The following DEPDC1B variants were observed in gnomAD, a reference collection of about 807,000 sequenced individuals.
DEPDC1B encodes the protein DEP domain containing 1B, also known as DEP domain-containing protein 1B.
DEPDC1B carries 51 observed loss-of-function variants against 66.5 expected under a neutral mutation model. The ratio of observed to expected loss-of-function variants is 0.77; its 90% CI spans 0.61 to 0.97. DEPDC1B has a LOEUF of 0.97. Ranked by LOEUF, DEPDC1B falls within the 50% of genes least tolerant of loss-of-function variation. The pLI, the probability that DEPDC1B is intolerant of heterozygous loss-of-function variation, is 0.00. For missense variants in DEPDC1B, 552 were observed against 637.1 expected, an observed-to-expected ratio of 0.87 and a Z score of 1.44; for synonymous variants, 226 against 223.6, an observed-to-expected ratio of 1.01 and a Z score of -0.10.
At chr5:60,625,452 T>C (rs1265114005) in intron 7 of DEPDC1B, among the ~76,000 whole-genome samples, 2 of 151,990 alleles carry the variant, frequency 1.3e-5, no homozygotes, top group African/African-American at 2.4e-5. Context: ...GGTGTGAGAT[T>C]TTATTGGTTA....
rs190277916 is a variant in DEPDC1B at position 60,623,734 on chromosome 5, C to A, written c.898+15016G>T. ...TTTTCATTGTCAGGTCTTGCACACA[C>A]CTTGTTTATCCCTACTTATAATTCA... On this transcript the variant is annotated intron_variant, in intron 7 of 10. Coordinates refer to ENST00000265036, the MANE Select transcript of DEPDC1B (RefSeq NM_018369.3). Among the ~76,000 whole-genome samples, 3 of 152,244 alleles carry A rather than the reference C, an allele frequency of 2.0e-5. No homozygotes were observed. The East Asian group carries it at 5.8e-4, about 29-fold the overall frequency.
At chr5:60,649,690 T>G (rs1418505184) in intron 2 of DEPDC1B, among the ~76,000 whole-genome samples, 1 of 152,018 alleles carries the variant, frequency 6.6e-6, no homozygotes, top group Admixed American at 6.6e-5. Flanking sequence ...GAACAAACCA[T>G]CTTACACAAA....
chr5:60,645,451 CAA>C, intron 4 of DEPDC1B, 39 bp downstream of exon 4: 1 of 1,521,012 alleles, frequency 6.6e-7, no homozygotes, highest in African/African-American at 1.4e-5. Context: ...AAATAGGAAA[CAA>C]TATCTCTAAA....
At position 60,597,674 on chromosome 5, in the gene DEPDC1B, C is replaced by T; in HGVS notation, c.*79G>A. The T allele has an allele frequency of 6.9e-7, 1 of 1,442,068 alleles. No individual in the cohort carries two copies. Among genetic ancestry groups the T allele is most frequent in the Non-Finnish European group, 9.4e-7 (1 of 1,067,846 alleles). The allele number at this position is 1,442,068 out of a possible 1,614,324, so 89.3% of individuals were successfully genotyped here. A position where few individuals can be genotyped will look rare whatever the true frequency, so the allele number is the denominator to read the frequency against. On this transcript the variant is annotated 3_prime_UTR_variant, in exon 11 of 11. Coordinates refer to ENST00000265036, the MANE Select transcript of DEPDC1B (RefSeq NM_018369.3). Reference sequence around the variant, plus strand: ...TGTTTTATGCTTTTCTTTCTTCCACCACCAAAGTCTTTCTCCTAACCACCA... The same window carrying T: ...TGTTTTATGCTTTTCTTTCTTCCACTACCAAAGTCTTTCTCCTAACCACCA...
intron 7 of DEPDC1B, among the ~76,000 whole-genome samples, chr5:60,606,479 T>G (rs1251326417): frequency 6.6e-6 from 1 of 151,802 alleles, no homozygotes; most frequent in African/African-American, 2.4e-5. Context: ...TTGCTAAAAG[T>G]TAGGATATTC....
chr5:60,662,462 G>A (rs933732249), intron 2 of DEPDC1B, among the ~76,000 whole-genome samples: 4 of 151,976 alleles, frequency 2.6e-5, no homozygotes, highest in Non-Finnish European at 5.9e-5. Context: ...TGGCAACCTC[G>A]GTTTTTTATA....
chr5:60,614,668 CA>C (rs1752499996), intron 7 of DEPDC1B, among the ~76,000 whole-genome samples: 1 of 152,000 alleles, frequency 6.6e-6, no homozygotes, highest in Non-Finnish European at 1.5e-5. Flanking sequence ...ATTTATTTAT[CA>C]AAATATGAAA....
intron 7 of DEPDC1B, among the ~76,000 whole-genome samples, chr5:60,625,077 G>A (rs563514538): frequency 2.0e-5 from 3 of 152,056 alleles, no homozygotes; most frequent in South Asian, 2.1e-4. Context: ...ACATGAACTC[G>A]TCATTTTTTA....
intron 6 of DEPDC1B, among the ~76,000 whole-genome samples, chr5:60,640,383 A>G (rs1221639858): frequency 1.3e-5 from 2 of 152,116 alleles, no homozygotes; most frequent in African/African-American, 4.8e-5. Flanking sequence ...ATATGCAAAA[A>G]AATTTTAAAG....
chr5:60,627,013 C>T (rs79165367), intron 7 of DEPDC1B, among the ~76,000 whole-genome samples: 1 of 152,158 alleles, frequency 6.6e-6, no homozygotes, highest in East Asian at 1.9e-4. Context: ...CATACAGTTC[C>T]AAGGATGTTA....
chr5:60,688,486 A>G (rs1032394442), intron 1 of DEPDC1B, among the ~76,000 whole-genome samples: 1 of 152,220 alleles, frequency 6.6e-6, no homozygotes, highest in Non-Finnish European at 1.5e-5. Context: ...CAGTACCCAC[A>G]TGACAGGGTT....
intron 6 of DEPDC1B, 50 bp downstream of exon 6, chr5:60,642,762 G>T: frequency 7.4e-6 from 11 of 1,483,192 alleles, no homozygotes; most frequent in Non-Finnish European, 1.0e-5. Context: ...CCTAATTTAG[G>T]GCACTAATTT....
intron 2 of DEPDC1B, among the ~76,000 whole-genome samples, chr5:60,664,246 G>A (rs953363254): frequency 1.3e-5 from 2 of 152,210 alleles, no homozygotes; most frequent in South Asian, 2.1e-4. Context: ...GCAACCCGTG[G>A]CATACCTGAG....
intron 2 of DEPDC1B, among the ~76,000 whole-genome samples, chr5:60,656,573 T>C (rs1038531133): frequency 2.0e-5 from 3 of 152,192 alleles, no homozygotes; most frequent in African/African-American, 7.2e-5. Flanking sequence ...AGAGACCAGG[T>C]AATTTATAAA....
At chr5:60,651,131 G>A (rs2111902631) in intron 2 of DEPDC1B, among the ~76,000 whole-genome samples, 1 of 152,312 alleles carries the variant, frequency 6.6e-6, no homozygotes, top group African/African-American at 2.4e-5. Context: ...TTCCAGATCT[G>A]CAAATAAACA....
intron 5 of DEPDC1B, among the ~76,000 whole-genome samples, 185 bp from the exon 6 acceptor site, chr5:60,643,044 C>T (rs772119318): frequency 2.6e-5 from 4 of 152,118 alleles, no homozygotes; most frequent in Non-Finnish European, 5.9e-5. Context: ...AGTGTTATAA[C>T]ATGCACTTAC....
intron 1 of DEPDC1B, among the ~76,000 whole-genome samples, chr5:60,695,594 C>G (rs1754635996): frequency 6.6e-6 from 1 of 152,114 alleles, no homozygotes; most frequent in Non-Finnish European, 1.5e-5. Flanking sequence ...TATCAAGAGT[C>G]AATTATGCCA....
chr5:60,612,368 A>G (rs1752430110), intron 7 of DEPDC1B, among the ~76,000 whole-genome samples: 1 of 151,510 alleles, frequency 6.6e-6, no homozygotes, highest in Non-Finnish European at 1.5e-5. Flanking sequence ...GGTTGCAATG[A>G]GCCAAGATTG....
intron 9 of DEPDC1B, among the ~76,000 whole-genome samples, chr5:60,602,527 T>C (rs1272961003): frequency 6.6e-6 from 1 of 151,820 alleles, no homozygotes; most frequent in Non-Finnish European, 1.5e-5. Context: ...TCAGAAGGAG[T>C]CAAGTGGACC....
Sources: allele counts gnomAD v4.1 joint callset (sites outside exome capture counted in the v4.1 genomes callset), GRCh38; gene constraint gnomAD v4.1.1; transcripts MANE v1.5; gene names NCBI Gene and HGNC (gene_info 2026-07-23, HGNC 2026-07-21).